The following SMIM35 variants were observed in gnomAD, a reference collection of about 807,000 sequenced individuals.
SMIM35 encodes small integral membrane protein 35, also known as TMPRSS4 antisense RNA 1 (non-protein coding).
intron 1 of SMIM35, among the ~76,000 whole-genome samples, chr11:118,079,063 G>T (rs1192389954): frequency 6.6e-6 from 1 of 152,136 alleles, no homozygotes; most frequent in Non-Finnish European, 1.5e-5. Context: ...GAGCGGGGGA[G>T]GGCAGGTGGG....
chr11:118,041,468 A>G (rs1943999830), intron 1 of SMIM35, among the ~76,000 whole-genome samples: 1 of 152,226 alleles, frequency 6.6e-6, no homozygotes, highest in East Asian at 1.9e-4. Flanking sequence ...TCTGACCACA[A>G]TGAAATAAAA....
intron 1 of SMIM35, among the ~76,000 whole-genome samples, chr11:118,079,819 C>T (rs1026289608): frequency 9.8e-5 from 15 of 152,312 alleles, no homozygotes; most frequent in African/African-American, 3.6e-4. Context: ...TCCACCCTGA[C>T]TGGGGCACAG....
At chr11:118,053,886 A>G (rs1565393274) in intron 1 of SMIM35, among the ~76,000 whole-genome samples, 1 of 152,154 alleles carries the variant, frequency 6.6e-6, no homozygotes, top group Non-Finnish European at 1.5e-5. Context: ...AATCGCAAAC[A>G]CTGTAACCTC....
intron 2 of SMIM35, 52 bp downstream of exon 2, chr11:118,015,641 G>A: frequency 5.0e-6 from 2 of 399,230 alleles, no homozygotes; most frequent in Non-Finnish European, 8.8e-6. Context: ...AACTGCTATG[G>A]GAGAGGAGGA....
At chr11:118,028,715 T>C (rs1166966210) in intron 1 of SMIM35, 1 of 344,364 alleles carries the variant, frequency 2.9e-6, no homozygotes, top group Non-Finnish European at 5.8e-6. Flanking sequence ...AAAAACAAAG[T>C]AAGGTCAAGG....
chr11:118,047,989 C>T (rs1475420641), intron 1 of SMIM35, among the ~76,000 whole-genome samples: 2 of 152,172 alleles, frequency 1.3e-5, no homozygotes, highest in Non-Finnish European at 2.9e-5. Context: ...TGGAACCTCG[C>T]CAAGCCCTCT....
chr11:118,051,524 C>T (rs1015010212), intron 1 of SMIM35, among the ~76,000 whole-genome samples: 3 of 152,254 alleles, frequency 2.0e-5, no homozygotes, highest in Non-Finnish European at 2.9e-5. Context: ...CCCAGCAGAT[C>T]TTGCAAATCA....
chr11:118,009,725 TAAAAAAA>T (rs35140092), intron 4 of SMIM35, among the ~76,000 whole-genome samples: 1 of 135,280 alleles, frequency 7.4e-6, no homozygotes, highest in Admixed American at 7.4e-5. Flanking sequence ...GCAGACGCTT[TAAAAAAA>T]AAAAAAAAAA....
intron 1 of SMIM35, among the ~76,000 whole-genome samples, chr11:118,020,816 T>G (rs2058222186): frequency 6.6e-6 from 1 of 152,174 alleles, no homozygotes; most frequent in Non-Finnish European, 1.5e-5. Context: ...TCAGTTTATT[T>G]TTCTTGTCTA....
At chr11:118,042,128 CT>C (rs1472162871) in intron 1 of SMIM35, among the ~76,000 whole-genome samples, 1 of 117,098 alleles carries the variant, frequency 8.5e-6, no homozygotes, top group African/African-American at 3.0e-5. Flanking sequence ...GGAAATAAAG[CT>C]TAGAGTGGAA....
chr11:118,069,327 G>T (rs545138245), intron 1 of SMIM35, among the ~76,000 whole-genome samples: 3 of 152,292 alleles, frequency 2.0e-5, no homozygotes, highest in Admixed American at 6.5e-5. Flanking sequence ...CATGCCGGTA[G>T]ACCAGGCCTT....
At chr11:118,058,080 C>T (rs75211790) in intron 1 of SMIM35, among the ~76,000 whole-genome samples, 2,487 of 152,294 alleles carry the variant, frequency 0.016, 105 homozygotes, top group East Asian at 0.11. Context: ...TAGGGTCATA[C>T]TGACAGCTAA....
intron 1 of SMIM35, among the ~76,000 whole-genome samples, chr11:118,084,703 ACTC>A (rs1292684969): frequency 6.6e-6 from 1 of 151,792 alleles, no homozygotes; most frequent in Admixed American, 6.6e-5. Flanking sequence ...CACTTACTAA[ACTC>A]CTCTATGTTT....
intron 1 of SMIM35, among the ~76,000 whole-genome samples, chr11:118,052,739 C>T (rs1179609511): frequency 6.6e-6 from 1 of 152,074 alleles, no homozygotes; most frequent in South Asian, 2.1e-4. Flanking sequence ...TTATAATGTG[C>T]CCCTGCCTGC....
chr11:118,048,590 G>GGAAGC (rs1944146773), intron 1 of SMIM35, among the ~76,000 whole-genome samples: 1 of 103,632 alleles, frequency 9.6e-6, no homozygotes, highest in Admixed American at 9.5e-5. Context: ...AGGAAGGAAG[G>GGAAGC]AAGGAAGCAA....
chr11:118,077,304 T>A (rs1448077691), intron 1 of SMIM35: 1 of 1,601,576 alleles, frequency 6.2e-7, no homozygotes, highest in Non-Finnish European at 8.5e-7. Context: ...AGAGCCAGCA[T>A]GGTGAGTGTG....
At chr11:118,043,935 C>T (rs1019071569) in intron 1 of SMIM35, among the ~76,000 whole-genome samples, 1 of 151,160 alleles carries the variant, frequency 6.6e-6, no homozygotes, top group African/African-American at 2.4e-5. Flanking sequence ...CTAAAATTGA[C>T]TGTAATGGTG....
At chr11:118,068,175 G>A (rs1944513171) in intron 1 of SMIM35, among the ~76,000 whole-genome samples, 3 of 151,932 alleles carry the variant, frequency 2.0e-5, no homozygotes, top group African/African-American at 7.3e-5. Context: ...CCACAGAAAG[G>A]ATGCTCAGTA....
intron 1 of SMIM35, among the ~76,000 whole-genome samples, chr11:118,043,696 G>A (rs1189252737): frequency 6.6e-6 from 1 of 151,706 alleles, no homozygotes; most frequent in African/African-American, 2.4e-5. Flanking sequence ...TGTAGTCCCA[G>A]CTACTCGGGA....
Sources: gnomAD v4.1 joint callset for allele counts (sites outside exome capture counted in the v4.1 genomes callset) on GRCh38, gnomAD v4.1.1 for gene constraint, MANE v1.5 for transcripts, NCBI Gene and HGNC (gene_info 2026-07-23, HGNC 2026-07-21) for gene names.